DMRT1: variants seen among roughly 807,000 people sequenced by gnomAD.
DMRT1 encodes doublesex and mab-3 related transcription factor 1, also known as doublesex- and mab-3-related transcription factor 1.
In DMRT1, 7 loss-of-function variants were observed where a neutral mutation model predicts 32.3. The observed-to-expected ratio is 0.22, with a 90% CI of 0.12 to 0.41. The LOEUF (loss-of-function observed/expected upper bound fraction) is 0.41. Among genes scored for constraint, DMRT1 ranks in the 10% least tolerant of loss-of-function variants. DMRT1 has a pLI of 1.00. For synonymous variants in DMRT1, 278 were observed against 206.1 expected (o/e 1.35, Z -2.99); for missense variants, 625 against 500.5 (o/e 1.25, Z -2.37).
intron 3 of DMRT1, among the ~76,000 whole-genome samples, chr9:906,020 GACACAC>G (rs756949932): frequency 8.3e-5 from 4 of 48,100 alleles, no homozygotes; most frequent in Non-Finnish European, 2.7e-4. Flanking sequence ...ATGCTTCTGT[GACACAC>G]ACACCCACAC....
At chr9:843,474 G>GA (rs1838777410) in intron 1 of DMRT1, among the ~76,000 whole-genome samples, 1 of 152,222 alleles carries the variant, frequency 6.6e-6, no homozygotes, top group African/African-American at 2.4e-5. Flanking sequence ...GCACGCTTAA[G>GA]AATTTTAAAG....
At chr9:854,247 G>T (rs912516158) in intron 2 of DMRT1, among the ~76,000 whole-genome samples, 10 of 152,176 alleles carry the variant, frequency 6.6e-5, no homozygotes, top group African/African-American at 2.4e-4. Flanking sequence ...CTCCCAGGTA[G>T]CTGGGACTAC....
At chr9:883,912 C>G (rs914601451) in intron 2 of DMRT1, among the ~76,000 whole-genome samples, 3 of 152,112 alleles carry the variant, frequency 2.0e-5, no homozygotes, top group Admixed American at 6.6e-5. Context: ...TTTTGCCTGA[C>G]TGGTATGTAA....
chr9:968,988 G>C lies in DMRT1; in HGVS notation c.*849G>C, dbSNP rs1820025010. 6.6e-6 allele frequency: 1 copy of C among 152,594 alleles called. No homozygotes were observed. Among genetic ancestry groups the C allele is most frequent in the Non-Finnish European group, 1.5e-5 (1 of 68,038 alleles). The allele number at this position is 152,594 out of a possible 1,614,324, so 9.5% of individuals were successfully genotyped here. On this transcript the variant is annotated 3_prime_UTR_variant, in exon 5 of 5. Transcript: ENST00000382276. ...GTTAAAAATTGCTATGGAGTACTTT[G>C]TTATATAACAGAAGCCATCCTGAAA...
chr9:854,263 C>G (rs944073492), intron 2 of DMRT1, among the ~76,000 whole-genome samples: 1 of 152,014 alleles, frequency 6.6e-6, no homozygotes, highest in Non-Finnish European at 1.5e-5. Context: ...ACTACAGGTG[C>G]GCTACATGCC....
chr9:878,156 A>G (rs1317343977), intron 2 of DMRT1, among the ~76,000 whole-genome samples: 1 of 151,464 alleles, frequency 6.6e-6, no homozygotes, highest in Non-Finnish European at 1.5e-5. Flanking sequence ...TAGCACATTA[A>G]CTTTATAGCA....
At chr9:855,154 G>C (rs989365907) in intron 2 of DMRT1, among the ~76,000 whole-genome samples, 4 of 152,000 alleles carry the variant, frequency 2.6e-5, no homozygotes, top group Non-Finnish European at 5.9e-5. Context: ...GTCAAGTATA[G>C]CAGTTTAATT....
intron 2 of DMRT1, among the ~76,000 whole-genome samples, chr9:868,590 G>A (rs944977148): frequency 3.3e-5 from 5 of 152,210 alleles, no homozygotes; most frequent in African/African-American, 4.8e-5. Flanking sequence ...TAGCTCCTCT[G>A]TCTTGGGCCA....
chr9:961,896 C>T (rs1308194791), intron 4 of DMRT1, among the ~76,000 whole-genome samples: 1 of 152,168 alleles, frequency 6.6e-6, no homozygotes, highest in Non-Finnish European at 1.5e-5. Context: ...TTATTACCCC[C>T]TTTTCACAGA....
intron 3 of DMRT1, among the ~76,000 whole-genome samples, chr9:902,571 C>T (rs1453502033): frequency 6.6e-6 from 1 of 151,462 alleles, no homozygotes; most frequent in Non-Finnish European, 1.5e-5. Flanking sequence ...TCACTGCAAC[C>T]TCTGCCTCCC....
chr9:935,423 C>G (rs1051942363), intron 4 of DMRT1, among the ~76,000 whole-genome samples: 9 of 152,172 alleles, frequency 5.9e-5, no homozygotes, highest in African/African-American at 2.2e-4. Context: ...TTGACACACT[C>G]TTAGGTTGAG....
At chr9:883,268 C>T (rs574677494) in intron 2 of DMRT1, among the ~76,000 whole-genome samples, 2 of 151,612 alleles carry the variant, frequency 1.3e-5, no homozygotes, top group East Asian at 1.9e-4. Flanking sequence ...AACCAAATTA[C>T]GTTAAAAAGA....
At chr9:921,525 G>A (rs778134334) in intron 4 of DMRT1, among the ~76,000 whole-genome samples, 1 of 151,994 alleles carries the variant, frequency 6.6e-6, no homozygotes, top group African/African-American at 2.4e-5. Context: ...GGAATTGCTG[G>A]GTCCTATGGT....
At chr9:882,552 A>C (rs1816771724) in intron 2 of DMRT1, among the ~76,000 whole-genome samples, 1 of 152,094 alleles carries the variant, frequency 6.6e-6, no homozygotes, top group South Asian at 2.1e-4. Context: ...CATTCTTCTC[A>C]GCCAACACTT....
intron 2 of DMRT1, among the ~76,000 whole-genome samples, chr9:874,123 TA>T (rs1816392619): frequency 6.6e-6 from 1 of 152,222 alleles, no homozygotes; most frequent in Admixed American, 6.5e-5. Context: ...CAGCTTTGAA[TA>T]GGGGGTAGAA....
At chr9:896,543 G>A (rs145966767) in intron 3 of DMRT1, among the ~76,000 whole-genome samples, 6 of 152,016 alleles carry the variant, frequency 3.9e-5, no homozygotes, top group East Asian at 1.9e-4. Context: ...GGCCAGGTGC[G>A]GTGGCTCATG....
chr9:942,377 C>T (rs950727928), intron 4 of DMRT1, among the ~76,000 whole-genome samples: 3 of 152,112 alleles, frequency 2.0e-5, no homozygotes, highest in South Asian at 2.1e-4. Context: ...AGGTTTAGTT[C>T]ATCCTCCTGC....
At chr9:859,925 C>G (rs908382423) in intron 2 of DMRT1, among the ~76,000 whole-genome samples, 1 of 152,206 alleles carries the variant, frequency 6.6e-6, no homozygotes, top group Non-Finnish European at 1.5e-5. Context: ...TAACAGATGA[C>G]TTTCAATGTT....
intron 3 of DMRT1, among the ~76,000 whole-genome samples, chr9:911,304 A>G (rs777006870): frequency 6.6e-6 from 1 of 152,118 alleles, no homozygotes; most frequent in Non-Finnish European, 1.5e-5. Context: ...CCCCTAGTTC[A>G]GAACTACTGG....
Sources: gnomAD v4.1 joint callset for allele counts (sites outside exome capture counted in the v4.1 genomes callset) on GRCh38, gnomAD v4.1.1 for gene constraint, MANE v1.5 for transcripts, NCBI Gene and HGNC (gene_info 2026-07-23, HGNC 2026-07-21) for gene names.